DCAF12: variants seen among roughly 807,000 people sequenced by gnomAD.
DCAF12 encodes DDB1 and CUL4 associated factor 12.
DCAF12 carries 28 observed loss-of-function variants against 52.8 expected under a neutral mutation model. The ratio of observed to expected loss-of-function variants is 0.53; its 90% CI spans 0.39 to 0.73. The LOEUF (loss-of-function observed/expected upper bound fraction) is 0.73. DCAF12 is among the 30% of genes least tolerant of loss of function. The pLI is 0.00. For missense variants in DCAF12, 425 were observed against 552.2 expected, an observed-to-expected ratio of 0.77 and a Z score of 2.31; for synonymous variants, 196 against 215.5, an observed-to-expected ratio of 0.91 and a Z score of 0.79.
At chr9:34,111,971 C>T (rs1049833175) in intron 2 of DCAF12, among the ~76,000 whole-genome samples, 6 of 145,970 alleles carry the variant, frequency 4.1e-5, no homozygotes, top group African/African-American at 1.5e-4. Flanking sequence ...CCCATCTCTA[C>T]TAAAAATACA....
Position 34,089,597 on chromosome 9 carries a change from G to T in DCAF12, c.1025-7C>A. On this transcript the variant is annotated splice_polypyrimidine_tract_variant and splice_region_variant and intron_variant, in intron 7 of 8. Coordinates refer to ENST00000361264, the MANE Select transcript of DCAF12 (RefSeq NM_015397.4). The stretch of plus-strand genomic sequence containing the variant: ...AAACTCACTGACCGGATTCCTGAAA[G>T]ACAGAAAAGTAAAAGGCAGTGAGGC... The T allele has an allele frequency of 6.3e-7, 1 of 1,598,394 alleles. No homozygotes were observed.
intron 2 of DCAF12, among the ~76,000 whole-genome samples, chr9:34,111,746 T>G (rs1367276952): frequency 6.6e-6 from 1 of 152,168 alleles, no homozygotes; most frequent in African/African-American, 2.4e-5. Context: ...ATTCAGATTC[T>G]TTAGGGAATA....
intron 2 of DCAF12, among the ~76,000 whole-genome samples, chr9:34,116,829 A>C (rs998647378): frequency 6.6e-6 from 1 of 152,172 alleles, no homozygotes; most frequent in Admixed American, 6.5e-5. Context: ...AAAAATACAT[A>C]AATTAGCCGG....
At chr9:34,092,946 A>C (rs1212796454) in intron 7 of DCAF12, among the ~76,000 whole-genome samples, 2 of 152,254 alleles carry the variant, frequency 1.3e-5, no homozygotes, top group Non-Finnish European at 2.9e-5. Context: ...CCCAGGTTCA[A>C]GCAATTCTCC....
At chr9:34,118,957 C>T (rs1048397342) in intron 2 of DCAF12, among the ~76,000 whole-genome samples, 6 of 151,974 alleles carry the variant, frequency 3.9e-5, no homozygotes, top group Non-Finnish European at 5.9e-5. Flanking sequence ...AGAGTAAGAC[C>T]CTGTCTCAAA....
In DCAF12 at chr9:34,093,449, C is replaced by G. The variant is rs1459326009; in HGVS notation, c.862-1G>C. On this transcript the variant is annotated splice_acceptor_variant, in intron 6 of 8. Transcript: ENST00000361264. LOFTEE classifies it high-confidence loss of function. ...AATATGGCAGTTTGGTGGAGAGGAG[C>G]TGAAAATAGAGGAGAGATATAACCA... 6.2e-7 allele frequency: 1 copy of G among 1,613,912 alleles called. No homozygotes were observed. Among genetic ancestry groups the G allele is most frequent in the African/African-American group, 1.3e-5 (1 of 75,018 alleles).
chr9:34,124,905 G>A, intron 2 of DCAF12, 118 bp downstream of exon 2: 1 of 1,294,520 alleles, frequency 7.7e-7, no homozygotes, highest in East Asian at 2.3e-5. Context: ...GAATGGAAAG[G>A]AGAGTAAGGC....
intron 2 of DCAF12, chr9:34,109,740 C>T (rs1587737846): frequency 3.7e-6 from 1 of 272,432 alleles, no homozygotes; most frequent in East Asian, 1.0e-4. Flanking sequence ...TTGAGCTGGC[C>T]CTGGAAGCTC....
At position 34,121,774 on chromosome 9, in the gene DCAF12, C is replaced by T. The variant is rs368685566; in HGVS notation, c.333+3249G>A. ...CCTGGCCAACACGGTGAAACCCTATCTCTACTAAAAATACAAAAATTAGCT... is the reference window on the plus strand; with the variant it reads ...CCTGGCCAACACGGTGAAACCCTATTTCTACTAAAAATACAAAAATTAGCT... On this transcript the variant is annotated intron_variant, in intron 2 of 8. Transcript: ENST00000361264. 1.4e-4 allele frequency among the ~76,000 whole-genome samples: 22 copies of T among 152,238 alleles called. No individual in the cohort carries two copies. The South Asian group carries it at 4.1e-3, about 29-fold the overall frequency.
intron 4 of DCAF12, among the ~76,000 whole-genome samples, chr9:34,105,989 C>G (rs1179536304): frequency 2.6e-5 from 4 of 152,074 alleles, no homozygotes; most frequent in Non-Finnish European, 4.4e-5. Context: ...ACCTCATAAT[C>G]CACCCACCTC....
At chr9:34,106,639 C>A in intron 3 of DCAF12, 145 bp from the exon 4 acceptor site, 1 of 631,518 alleles carries the variant, frequency 1.6e-6, no homozygotes, top group Non-Finnish European at 2.7e-6. Flanking sequence ...GTGGTCTCAA[C>A]CCACAGAGAA....
At chr9:34,105,297 GC>G (rs1828887543) in intron 4 of DCAF12, among the ~76,000 whole-genome samples, 1 of 151,730 alleles carries the variant, frequency 6.6e-6, no homozygotes, top group African/African-American at 2.4e-5. Flanking sequence ...AGTGGCTCAT[GC>G]CTGTATAATC....
chr9:34,111,906 G>A (rs1207000671), intron 2 of DCAF12, among the ~76,000 whole-genome samples: 1 of 151,690 alleles, frequency 6.6e-6, no homozygotes, highest in Non-Finnish European at 1.5e-5. Context: ...AGGCTGAGGC[G>A]GGTGGATCAC....
chr9:34,125,697 G>C (rs1323384950), intron 1 of DCAF12: 21 of 394,940 alleles, frequency 5.3e-5, no homozygotes, highest in Non-Finnish European at 9.8e-5. Flanking sequence ...AGCCAGACCT[G>C]GCTCCCAGGT....
At position 34,096,755 on chromosome 9, in the gene DCAF12, G is replaced by C; in HGVS notation, c.822C>G (p.Gly274=). ...TTTCAGCCTTCCAGAGATGAAAGTA[G>C]CCATCCAGAGACACTGCTCCCAGTT... The part of the protein sequence containing the change: ...NKELGAVSLD[G]YFHLWKAENT... The change falls in exon 6 of 9, where the codon GGC becomes GGG. Residue 274 remains glycine (G), a synonymous_variant. Transcript: ENST00000361264. 6.2e-7 allele frequency: 1 copy of C among 1,614,026 alleles called. No individual in the cohort carries two copies. Among genetic ancestry groups the C allele is most frequent in the Non-Finnish European group, 8.5e-7 (1 of 1,180,002 alleles).
intron 6 of DCAF12, among the ~76,000 whole-genome samples, chr9:34,094,452 T>C (rs1189414376): frequency 6.6e-6 from 1 of 151,388 alleles, no homozygotes; most frequent in African/African-American, 2.4e-5. Context: ...GGTTTAACTC[T>C]ATGTAAAAGT....
chr9:34,104,881 G>A (rs1055989977), intron 4 of DCAF12, among the ~76,000 whole-genome samples: 20 of 150,098 alleles, frequency 1.3e-4, no homozygotes, highest in Non-Finnish European at 1.5e-5. Context: ...TTGCACCATT[G>A]CACTTTAGCC....
chr9:34,101,674 G>A (rs1331897990), intron 4 of DCAF12, among the ~76,000 whole-genome samples: 1 of 142,468 alleles, frequency 7.0e-6, no homozygotes, highest in Non-Finnish European at 1.5e-5. Context: ...TTACAGGCAT[G>A]AGCCACTGTG....
At chr9:34,114,151 A>G (rs1231049828) in intron 2 of DCAF12, among the ~76,000 whole-genome samples, 1 of 152,180 alleles carries the variant, frequency 6.6e-6, no homozygotes, top group East Asian at 1.9e-4. Context: ...AATACTGTTT[A>G]GCTATAAAAA....
Sources: allele counts gnomAD v4.1 joint callset (sites outside exome capture counted in the v4.1 genomes callset), GRCh38; gene constraint gnomAD v4.1.1; transcripts MANE v1.5; gene names NCBI Gene and HGNC (gene_info 2026-07-23, HGNC 2026-07-21).